DDX10: variants seen among roughly 807,000 people sequenced by gnomAD.
DDX10 encodes the protein probable ATP-dependent RNA helicase DDX10.
DDX10 carries 74 observed loss-of-function variants against 104.3 expected under a neutral mutation model. The ratio of observed to expected loss-of-function variants is 0.71; its 90% confidence interval spans 0.59 to 0.86. The LOEUF (loss-of-function observed/expected upper bound fraction) is 0.86. Ranked by LOEUF, DDX10 falls within the 40% of genes least tolerant of loss-of-function variation. DDX10 has a pLI of 0.00. For missense variants in DDX10, 952 were observed against 1,040.0 expected (o/e 0.92, Z 1.16); for synonymous variants, 351 against 353.4 (o/e 0.99, Z 0.08).
intron 7 of DDX10, among the ~76,000 whole-genome samples, chr11:108,691,166 A>G (rs1282068941): frequency 6.6e-6 from 1 of 152,200 alleles, no homozygotes; most frequent in East Asian, 1.9e-4. Flanking sequence ...TTGAAGAGAG[A>G]CTTTAATGGG....
intron 13 of DDX10, among the ~76,000 whole-genome samples, chr11:108,765,156 A>G (rs561308595): frequency 2.6e-5 from 4 of 152,164 alleles, no homozygotes; most frequent in Non-Finnish European, 5.9e-5. Context: ...CCAATTCCCT[A>G]AAGCGGGTTT....
intron 13 of DDX10, among the ~76,000 whole-genome samples, chr11:108,728,504 CTTTTTTTTTTTTT>C (rs71050884): frequency 4.1e-5 from 5 of 121,822 alleles, no homozygotes; most frequent in African/African-American, 2.0e-4. Context: ...CACATTTGTT[CTTTTTTTTTTTTT>C]TTTTTTTTTT....
rs1471647743 is a variant in DDX10 at position 108,838,530 on chromosome 11, G to A, written c.2050G>A (p.Val684Met). The A allele has an allele frequency of 6.8e-6, 11 of 1,611,976 alleles. No homozygotes were observed. Among genetic ancestry groups the A allele is most frequent in the Non-Finnish European group, 9.3e-6 (11 of 1,179,170 alleles). The change falls in exon 14 of 18, where the codon GTG becomes ATG. Residue 684 changes from valine to methionine, a missense_variant. Physicochemically the swap from Val to Met is conservative, Grantham distance 21 (BLOSUM62 1). This residue lies in a region of DDX10 where 533 missense variants were observed against 534.1 expected (regional missense o/e 1.00). Transcript: ENST00000322536. ...AKKVMKRNFK[V>M]NKKITFTDEG... ...AAAAGTAATGAAGAGAAATTTTAAA[G>A]TGAATAAGAAGATAACATTTACTGA...
intron 13 of DDX10, among the ~76,000 whole-genome samples, chr11:108,766,269 A>G (rs1369098126): frequency 2.0e-5 from 3 of 152,204 alleles, no homozygotes; most frequent in African/African-American, 4.8e-5. Flanking sequence ...TTCATTTTGT[A>G]TCGTATCCGC....
intron 1 of DDX10, among the ~76,000 whole-genome samples, chr11:108,670,785 G>C (rs908691784): frequency 6.6e-6 from 1 of 151,572 alleles, no homozygotes; most frequent in Non-Finnish European, 1.5e-5. Context: ...CATAGAAACT[G>C]CATTCAAATC....
At chr11:108,857,366 C>T (rs1442106362) in intron 16 of DDX10, among the ~76,000 whole-genome samples, 1 of 152,078 alleles carries the variant, frequency 6.6e-6, no homozygotes, top group African/African-American at 2.4e-5. Flanking sequence ...TCTTTCTGGG[C>T]CTGTTCTCAG....
chr11:108,706,946 G>A, intron 10 of DDX10, 109 bp downstream of exon 10: 1 of 856,192 alleles, frequency 1.2e-6, no homozygotes, highest in Non-Finnish European at 1.9e-6. Context: ...TCAACTGCCT[G>A]GTTTGACTTT....
chr11:108,875,555 ATGTGT>A (rs1863140526), intron 16 of DDX10, among the ~76,000 whole-genome samples: 1 of 152,174 alleles, frequency 6.6e-6, no homozygotes, highest in Non-Finnish European at 1.5e-5. Context: ...GTGGCTGCTG[ATGTGT>A]TAAGTGCAAA....
intron 13 of DDX10, among the ~76,000 whole-genome samples, chr11:108,730,320 C>T (rs73007435): frequency 0.039 from 5,964 of 152,272 alleles, 182 homozygotes; most frequent in Middle Eastern, 0.071. Context: ...TCCCTTATGA[C>T]TGAAAGTCTC....
chr11:108,865,298 T>C (rs1425889041), intron 16 of DDX10, among the ~76,000 whole-genome samples: 1 of 152,166 alleles, frequency 6.6e-6, no homozygotes, highest in African/African-American at 2.4e-5. Context: ...ACTATGCTGC[T>C]TGAAGTGTCC....
chr11:108,821,413 G>A (rs1862323641), intron 13 of DDX10, among the ~76,000 whole-genome samples: 3 of 152,156 alleles, frequency 2.0e-5, no homozygotes, highest in Non-Finnish European at 1.5e-5. Context: ...TTTTACAGTT[G>A]TTTTTAGTGG....
chr11:108,666,196 T>C (rs972022973), intron 1 of DDX10, among the ~76,000 whole-genome samples: 2 of 152,236 alleles, frequency 1.3e-5, no homozygotes, highest in Non-Finnish European at 2.9e-5. Context: ...TGGAACATTC[T>C]TGTAACTAAG....
chr11:108,856,451 A>C (rs1862870970), intron 16 of DDX10, among the ~76,000 whole-genome samples: 2 of 152,068 alleles, frequency 1.3e-5, no homozygotes, highest in Admixed American at 6.5e-5. Flanking sequence ...AACAAACAAA[A>C]AAAACCACCA....
chr11:108,863,219 G>C (rs80221997), intron 16 of DDX10, among the ~76,000 whole-genome samples: 12 of 152,208 alleles, frequency 7.9e-5, no homozygotes, highest in Non-Finnish European at 1.3e-4. Flanking sequence ...TAAGGGGGAA[G>C]TAGGCACTTT....
chr11:108,902,172 G>A (rs1237002597), intron 16 of DDX10, among the ~76,000 whole-genome samples: 1 of 152,112 alleles, frequency 6.6e-6, no homozygotes, highest in Non-Finnish European at 1.5e-5. Context: ...ATTTACTGGG[G>A]GTTGATTGAC....
intron 16 of DDX10, among the ~76,000 whole-genome samples, chr11:108,906,919 C>T (rs2134653879): frequency 6.6e-6 from 1 of 152,288 alleles, no homozygotes; most frequent in South Asian, 2.1e-4. Flanking sequence ...AATGCTGAAT[C>T]AGAGTCCTTA....
At chr11:108,752,149 G>A (rs1398395103) in intron 13 of DDX10, among the ~76,000 whole-genome samples, 1 of 152,104 alleles carries the variant, frequency 6.6e-6, no homozygotes, top group African/African-American at 2.4e-5. Flanking sequence ...AGGTACTGAC[G>A]TCGTGAAGTT....
chr11:108,706,184 C>T (rs544855373), intron 9 of DDX10, among the ~76,000 whole-genome samples: 3 of 152,180 alleles, frequency 2.0e-5, no homozygotes, highest in Non-Finnish European at 4.4e-5. Flanking sequence ...GTTGGCCACA[C>T]TGATCTCAAA....
chr11:108,670,200 G>A (rs184677943), intron 1 of DDX10, among the ~76,000 whole-genome samples: 1 of 152,314 alleles, frequency 6.6e-6, no homozygotes, highest in East Asian at 1.9e-4. Context: ...GGAGACTGGA[G>A]ACTATTGGTA....
Sources: gnomAD v4.1 joint callset for allele counts (sites outside exome capture counted in the v4.1 genomes callset) on GRCh38, gnomAD v4.1.1 for gene constraint, gnomAD v4.1.1 regional missense constraint, MANE v1.5 for transcripts, NCBI Gene and HGNC (gene_info 2026-07-23, HGNC 2026-07-21) for gene names.